FAM47E: variants seen among roughly 807,000 people sequenced by gnomAD.
The protein encoded by FAM47E is family with sequence similarity 47 member E.
FAM47E carries 32 observed loss-of-function variants against 41.6 expected under a neutral mutation model. That is an observed-to-expected ratio of 0.77 (90% CI 0.58 to 1.03). FAM47E has a LOEUF of 1.03. FAM47E is among the 50% of genes least tolerant of loss of function. FAM47E has a pLI of 0.00. For synonymous variants in FAM47E, 184 were observed against 188.7 expected (o/e 0.98, Z 0.20); for missense variants, 424 against 485.4 (o/e 0.87, Z 1.19).
At chr4:76,267,741 G>T (rs1578791915) in intron 3 of FAM47E, 2 of 152,304 alleles carry the variant, frequency 1.3e-5, no homozygotes, top group South Asian at 4.1e-4. Flanking sequence ...GCTACAACAT[G>T]GATGAGCCTT....
intron 2 of FAM47E, among the ~76,000 whole-genome samples, chr4:76,225,730 A>G (rs1255736649): frequency 1.3e-5 from 2 of 152,236 alleles, no homozygotes; most frequent in Non-Finnish European, 2.9e-5. Flanking sequence ...TATCCCTGGT[A>G]TGAAACTCAC....
At chr4:76,218,226 A>G (rs1269148189) in intron 2 of FAM47E, among the ~76,000 whole-genome samples, 3 of 152,200 alleles carry the variant, frequency 2.0e-5, no homozygotes, top group Non-Finnish European at 2.9e-5. Context: ...GATCTATAAA[A>G]TGTACCATCA....
rs943977453 is a variant in FAM47E, at chr4:76,283,123, G to A, written c.1105-258G>A. 9.6e-6 allele frequency: 3 copies of A among 311,574 alleles called. No homozygotes were observed. The Admixed American group carries it at 1.3e-4, about 14-fold the overall frequency. The allele number at this position is 311,574 out of a possible 1,614,324, so 19.3% of individuals were successfully genotyped here. A position where few individuals can be genotyped will look rare whatever the true frequency, so the allele number is the denominator to read the frequency against. On this transcript the variant is annotated intron_variant, in intron 7 of 7. Transcript: ENST00000424749. ...TTAGTAGCAGGGATGGGCAGCACAAGGCTATGTTGAGCTGGGCTGGGCCAG... is the reference window on the plus strand; with the variant it reads ...TTAGTAGCAGGGATGGGCAGCACAAAGCTATGTTGAGCTGGGCTGGGCCAG...
intron 1 of FAM47E, among the ~76,000 whole-genome samples, chr4:76,254,799 C>T (rs1578775165): frequency 6.6e-6 from 1 of 152,158 alleles, no homozygotes; most frequent in South Asian, 2.1e-4. Context: ...GATAATGAGA[C>T]GCTCAGATTC....
intron 2 of FAM47E, among the ~76,000 whole-genome samples, chr4:76,228,107 T>G (rs1012554299): frequency 2.0e-5 from 3 of 151,602 alleles, no homozygotes; most frequent in Non-Finnish European, 2.9e-5. Context: ...TTTCATTGTG[T>G]TGTTGTTTTA....
At chr4:76,271,811 A>G in intron 5 of FAM47E, 43 bp downstream of exon 5, 1 of 1,535,806 alleles carries the variant, frequency 6.5e-7, no homozygotes, top group South Asian at 1.2e-5. Flanking sequence ...AAGAAAATTA[A>G]GTTGTATTGA....
intron 2 of FAM47E, among the ~76,000 whole-genome samples, chr4:76,261,325 A>G (rs573445068): frequency 9.8e-5 from 15 of 152,342 alleles, no homozygotes; most frequent in African/African-American, 2.9e-4. Context: ...ACTACTGGGT[A>G]TCTACCCAAA....
At chr4:76,266,623 T>C (rs1734646516) in intron 3 of FAM47E, among the ~76,000 whole-genome samples, 1 of 152,218 alleles carries the variant, frequency 6.6e-6, no homozygotes, top group Admixed American at 6.5e-5. Context: ...AGTCTATTTG[T>C]CACACAGTAG....
At chr4:76,260,242 G>A (rs1387771307) in intron 2 of FAM47E, among the ~76,000 whole-genome samples, 1 of 152,066 alleles carries the variant, frequency 6.6e-6, no homozygotes, top group Non-Finnish European at 1.5e-5. Context: ...TCAAAAAAGT[G>A]TCTGATTAGC....
chr4:76,235,957 A>G lies in FAM47E; in HGVS notation c.81+18269A>G, dbSNP rs554631549. ...TTAGATAACTTTCCCAAGGTTGCAT[A>G]GCTAGTAAACAGTAGAGCCAGGATT... On this transcript the variant is annotated intron_variant, in intron 2 of 7. Transcript: ENST00000510197. Among the ~76,000 whole-genome samples the G allele has an allele frequency of 5.9e-5, 9 of 152,356 alleles. No homozygotes were observed. The East Asian group carries it at 1.7e-3, about 29-fold the overall frequency.
At chr4:76,277,990 C>T in intron 5 of FAM47E, 79 bp from the exon 6 acceptor site, 1 of 1,401,902 alleles carries the variant, frequency 7.1e-7, no homozygotes, top group Non-Finnish European at 9.3e-7. Flanking sequence ...ATCCTGCTCT[C>T]CTAAGCTAAG....
chr4:76,277,730 C>T (rs1019476091), intron 5 of FAM47E, among the ~76,000 whole-genome samples: 36 of 152,100 alleles, frequency 2.4e-4, no homozygotes, highest in Non-Finnish European at 5.9e-5. Flanking sequence ...TCACAACAGC[C>T]CTGTGGGGAT....
chr4:76,277,731 CT>C (rs2110027152), intron 5 of FAM47E, among the ~76,000 whole-genome samples: 1 of 152,266 alleles, frequency 6.6e-6, no homozygotes, highest in African/African-American at 2.4e-5. Flanking sequence ...CACAACAGCC[CT>C]GTGGGGATGT....
At chr4:76,217,665 C>A (rs755124881) in exon 2 of FAM47E, 2 of 650,620 alleles carry the variant, frequency 3.1e-6, no homozygotes, top group South Asian at 3.5e-5. Flanking sequence ...GCCAAATAAA[C>A]CTCTTTTCAC....
At chr4:76,274,841 G>C (rs555429053) in intron 5 of FAM47E, among the ~76,000 whole-genome samples, 2 of 152,202 alleles carry the variant, frequency 1.3e-5, no homozygotes, top group African/African-American at 2.4e-5. Flanking sequence ...TTCTCTCTCT[G>C]TGCAGCTTTT....
At chr4:76,272,189 A>C (rs567423038) in intron 5 of FAM47E, among the ~76,000 whole-genome samples, 17 of 152,212 alleles carry the variant, frequency 1.1e-4, no homozygotes, top group Non-Finnish European at 2.1e-4. Context: ...TCTTGACCAC[A>C]TGCTTGCCTA....
Position 76,256,346 on chromosome 4 carries a change from A to G in FAM47E, c.243A>G (p.Arg81=). The G allele has an allele frequency of 1.3e-6, 2 of 1,551,684 alleles. No individual in the cohort carries two copies. Among genetic ancestry groups the G allele is most frequent in the Non-Finnish European group, 1.7e-6 (2 of 1,147,020 alleles). The change falls in exon 2 of 8, where the codon AGA becomes AGG. Residue 81 remains arginine (R), a synonymous_variant. Coordinates refer to ENST00000424749, the MANE Select transcript of FAM47E (RefSeq NM_001136570.3). ...GCTTTCTGCCCCAGATTTATCACAGAGCTCCCCAACTGGCCCCAAAGAAGA... is the reference window on the plus strand; with the variant it reads ...GCTTTCTGCCCCAGATTTATCACAGGGCTCCCCAACTGGCCCCAAAGAAGA... The part of the protein sequence containing the change: ...VEGFLPQIYH[R]APQLAPKKRQ...
chr4:76,264,023 A>T (rs72860111), intron 3 of FAM47E, among the ~76,000 whole-genome samples, 180 bp downstream of exon 3: 14,493 of 152,176 alleles, frequency 0.095, 823 homozygotes, highest in African/African-American at 0.16. Context: ...TCTTCAAGGG[A>T]TGTGATTTAT....
Position 76,256,418 on chromosome 4 carries a change from G to T in FAM47E, c.315G>T (p.Ser105=). 1 of 1,552,326 alleles carries T rather than the reference G, an allele frequency of 6.4e-7. No homozygotes were observed. The highest frequency in any genetic ancestry group is 1.2e-5 in the South Asian group (1 of 84,072). The change falls in exon 2 of 8, where the codon TCG becomes TCT. Residue 105 remains serine, a synonymous_variant. Transcript: ENST00000424749. The stretch of plus-strand genomic sequence containing the variant: ...AAGCAGACGTGCTTTCCAAGCTCTC[G>T]CCAGCCCAGCAGGCTCGGAAGGCAT... ...LKEADVLSKL[S]PAQQARKAFL...
Sources: allele counts gnomAD v4.1 joint callset (sites outside exome capture counted in the v4.1 genomes callset), GRCh38; gene constraint gnomAD v4.1.1; transcripts MANE v1.5; gene names NCBI Gene and HGNC (gene_info 2026-07-23, HGNC 2026-07-21).